Variants in EPHX1 observed in about 807,000 individuals in gnomAD.
EPHX1 encodes the protein epoxide hydrolase 1, also known as epoxide hydratase.
A neutral mutation model predicts 43.2 loss-of-function variants in EPHX1; 40 were observed. That is an observed-to-expected ratio of 0.93 (90% CI 0.72 to 1.21). The LOEUF is 1.21. EPHX1 is among the 50% of genes most tolerant of loss of function. The pLI, the probability that EPHX1 is intolerant of heterozygous loss-of-function variation, is 0.00. For synonymous variants in EPHX1, 221 were observed against 226.7 expected, an observed-to-expected ratio of 0.98 and a Z score of 0.22; for missense variants, 550 against 570.4, an observed-to-expected ratio of 0.96 and a Z score of 0.36.
rs541903135 is a variant in EPHX1 at position 225,824,046 on chromosome 1, A to G, written c.-5-4679A>G. 9.2e-5 allele frequency among the ~76,000 whole-genome samples: 14 copies of G among 152,196 alleles called. No homozygotes were observed. In the South Asian group the frequency reaches 2.5e-3, roughly 27 times the overall value. On this transcript the variant is annotated intron_variant, in intron 1 of 8. Transcript: ENST00000272167. Reference sequence around the variant, plus strand: ...CCTGCCTGGGCGGTGGGCATCTGCAATTCTCCCTGTCTCGAACTGCAGCAG... The same window carrying G: ...CCTGCCTGGGCGGTGGGCATCTGCAGTTCTCCCTGTCTCGAACTGCAGCAG...
intron 2 of EPHX1, among the ~76,000 whole-genome samples, chr1:225,829,390 C>A (rs1035876616): frequency 6.6e-6 from 1 of 152,162 alleles, no homozygotes; most frequent in Admixed American, 6.5e-5. Flanking sequence ...ATTGTTGTTC[C>A]CAAACTGCAG....
intron 1 of EPHX1, among the ~76,000 whole-genome samples, chr1:225,812,259 C>T (rs1455369070): frequency 6.6e-6 from 1 of 152,186 alleles, no homozygotes; most frequent in Admixed American, 6.5e-5. Flanking sequence ...AAGGAAGGAC[C>T]TTCCACAGAA....
At chr1:225,830,620 A>G (rs1667526415) in intron 2 of EPHX1, among the ~76,000 whole-genome samples, 1 of 152,130 alleles carries the variant, frequency 6.6e-6, no homozygotes, top group African/African-American at 2.4e-5. Flanking sequence ...ACCTGTCACC[A>G]TGCCTGGCTA....
At position 225,817,493 on chromosome 1, in the gene EPHX1, G is replaced by C. The variant is rs1666778633; in HGVS notation, c.-6+7324G>C. Among the ~76,000 whole-genome samples the C allele has an allele frequency of 1.3e-5, 2 of 152,228 alleles. No homozygotes were observed. The highest frequency in any genetic ancestry group is 2.9e-5 in the Non-Finnish European group (2 of 68,036). On this transcript the variant is annotated intron_variant, in intron 1 of 8. Transcript: ENST00000272167. This position sits in a 1 kb window ranked among gnomAD's most constrained non-coding sequence, Gnocchi z 5.7. ...CCCCAGGGAGGAGTGATGAGGCTGG[G>C]GTGCTGGGGAGGGCAGTATGGGGGC... is the stretch of plus-strand genomic sequence containing the variant.
intron 2 of EPHX1, among the ~76,000 whole-genome samples, chr1:225,831,557 AAAG>A (rs1340041178): frequency 1.5e-4 from 8 of 52,534 alleles, no homozygotes; most frequent in Non-Finnish European, 3.0e-4. Context: ...AAAAAAAAAA[AAAG>A]AAAAAAGAAA....
intron 1 of EPHX1, among the ~76,000 whole-genome samples, chr1:225,819,369 T>C (rs1200867740): frequency 2.0e-5 from 3 of 151,522 alleles, no homozygotes; most frequent in East Asian, 1.9e-4. Context: ...GCCACTGCAC[T>C]CCAGCCTGGG....
At chr1:225,844,411 C>A in intron 7 of EPHX1, 87 bp from the exon 8 acceptor site, 1 of 1,604,996 alleles carries the variant, frequency 6.2e-7, no homozygotes, top group South Asian at 1.1e-5. Context: ...ATGGGCAGGG[C>A]CTGGCATTTG....
chr1:225,820,074 A>G (rs1666914596), intron 1 of EPHX1, among the ~76,000 whole-genome samples: 1 of 152,008 alleles, frequency 6.6e-6, no homozygotes, highest in African/African-American at 2.4e-5. Flanking sequence ...AAATCCTCAC[A>G]TTCCCAAGTA....
At chr1:225,824,671 G>A (rs1057241132) in intron 1 of EPHX1, among the ~76,000 whole-genome samples, 8 of 152,330 alleles carry the variant, frequency 5.3e-5, no homozygotes, top group South Asian at 4.1e-4. Context: ...CCAGCTCTCC[G>A]ACAAAGCAGA....
At chr1:225,810,800 TTGAGCCAGGA>T in intron 1 of EPHX1, among the ~76,000 whole-genome samples, 1 of 151,854 alleles carries the variant, frequency 6.6e-6, no homozygotes, top group Admixed American at 6.6e-5. Flanking sequence ...AGGGGAGCTT[TTGAGCCAGGA>T]TGAGCCAGGA....
intron 1 of EPHX1, among the ~76,000 whole-genome samples, chr1:225,828,081 C>T (rs956777334): frequency 6.6e-6 from 1 of 152,178 alleles, no homozygotes; most frequent in Non-Finnish European, 1.5e-5. Flanking sequence ...CGCCGTGGCT[C>T]ACACCTGTAA....
chr1:225,841,942 TTATGAG>T lies in EPHX1; in HGVS notation c.932-420_932-415del, dbSNP rs369918851. On this transcript the variant is annotated intron_variant, in intron 6 of 8. Transcript: ENST00000272167. ...TTTAATGACTGTACAGTATTTTGGCTTATGAGTATATCAATATTTGTAACTGATCCC... is the reference window on the plus strand; with the variant it reads ...TTTAATGACTGTACAGTATTTTGGCTTATATCAATATTTGTAACTGATCCC... Among the ~76,000 whole-genome samples, 840 of 152,352 alleles carry T rather than the reference TTATGAG, an allele frequency of 5.5e-3. 12 individuals are homozygous for T. Among genetic ancestry groups the T allele is most frequent in the African/African-American group, 0.018 (763 of 41,592 alleles).
rs1668898223 is a variant in EPHX1, at chr1:225,845,480, C to T, written c.*133C>T. ...CATGCTGGGAGCCCACGCTCACCCCCTCACCCCTCCAAGCTCACTCCCCAA... is the reference window on the plus strand; with the variant it reads ...CATGCTGGGAGCCCACGCTCACCCCTTCACCCCTCCAAGCTCACTCCCCAA... On this transcript the variant is annotated 3_prime_UTR_variant, in exon 9 of 9. Coordinates refer to ENST00000272167, the MANE Select transcript of EPHX1 (RefSeq NM_001136018.4). 1.1e-6 allele frequency: 1 copy of T among 879,734 alleles called. No individual in the cohort carries two copies. Among genetic ancestry groups the T allele is most frequent in the Non-Finnish European group, 1.8e-6 (1 of 569,364 alleles). The allele number at this position is 879,734 out of a possible 1,614,324, so 54.5% of individuals were successfully genotyped here.
At chr1:225,821,944 A>G (rs1667000833) in intron 1 of EPHX1, among the ~76,000 whole-genome samples, 2 of 152,208 alleles carry the variant, frequency 1.3e-5, no homozygotes, top group Admixed American at 6.5e-5. Flanking sequence ...GATAAACACA[A>G]GTAAACTAAC....
intron 2 of EPHX1, among the ~76,000 whole-genome samples, chr1:225,830,657 G>A (rs1323310700): frequency 6.6e-6 from 1 of 152,124 alleles, no homozygotes; most frequent in African/African-American, 2.4e-5. Flanking sequence ...TAGAGATGGG[G>A]TTTCGCCATG....
Position 225,827,670 on chromosome 1 carries a change from G to A in EPHX1, c.-5-1055G>A, listed in dbSNP as rs564319681. Among the ~76,000 whole-genome samples the A allele has an allele frequency of 5.9e-5, 9 of 152,336 alleles. No homozygotes were observed. The South Asian group carries it at 1.7e-3, about 28-fold the overall frequency. ...GGCAGTAGGGGAGCGACAGCTGAAG[G>A]GTATGGAGTTTCTCCGTGCCGATGA... On this transcript the variant is annotated intron_variant, in intron 1 of 8. Coordinates refer to ENST00000272167, the MANE Select transcript of EPHX1 (RefSeq NM_001136018.4).
At chr1:225,841,894 GC>G (rs1668462030) in intron 6 of EPHX1, among the ~76,000 whole-genome samples, 1 of 152,182 alleles carries the variant, frequency 6.6e-6, no homozygotes, top group Non-Finnish European at 1.5e-5. Context: ...ATGAGCCAAT[GC>G]CCCCAGCCTG....
At chr1:225,841,422 A>G (rs1174088306) in intron 6 of EPHX1, among the ~76,000 whole-genome samples, 1 of 151,228 alleles carries the variant, frequency 6.6e-6, no homozygotes, top group African/African-American at 2.4e-5. Flanking sequence ...AGCTGGGATT[A>G]CAGGCACCTG....
intron 1 of EPHX1, among the ~76,000 whole-genome samples, chr1:225,820,102 T>C (rs1484197117): frequency 6.6e-6 from 1 of 152,142 alleles, no homozygotes; most frequent in East Asian, 1.9e-4. Context: ...TTTCTTTCTT[T>C]TTTTTGTTTT....
Sources: allele counts gnomAD v4.1 joint callset (sites outside exome capture counted in the v4.1 genomes callset), GRCh38; gene constraint gnomAD v4.1.1; non-coding constraint Gnocchi (gnomAD v3.1); transcripts MANE v1.5; gene names NCBI Gene and HGNC (gene_info 2026-07-23, HGNC 2026-07-21).